RAD51B: variants seen among roughly 807,000 people sequenced by gnomAD.
RAD51B encodes the protein RAD51 paralog B, also known as DNA repair protein RAD51 homolog 2.
Under a neutral mutation model 42.2 loss-of-function variants are expected in RAD51B, and 38 were observed. That is an observed-to-expected ratio of 0.90 (90% CI 0.70 to 1.18). The LOEUF is 1.18. Among genes scored for constraint, RAD51B ranks in the 50% most tolerant of loss-of-function variants. The probability of loss-of-function intolerance (pLI) is 0.00; values close to 1 mark genes in which losing one functional copy is unlikely to be tolerated. For synonymous variants in RAD51B, 154 were observed against 145.2 expected, an observed-to-expected ratio of 1.06 and a Z score of -0.43; for missense variants, 373 against 400.7, an observed-to-expected ratio of 0.93 and a Z score of 0.59.
At chr14:68,154,483 A>G (rs931853764) in intron 7 of RAD51B, among the ~76,000 whole-genome samples, 1 of 152,096 alleles carries the variant, frequency 6.6e-6, no homozygotes, top group East Asian at 1.9e-4. Context: ...CAGTTTCCTT[A>G]CATGCATGCA....
chr14:68,611,547 C>T, exon 11 of RAD51B: 1 of 445,656 alleles, frequency 2.2e-6, no homozygotes. Context: ...GCTTATTAAG[C>T]CTTGCAGCTC....
intron 8 of RAD51B, among the ~76,000 whole-genome samples, chr14:68,317,542 A>G (rs2082085516): frequency 6.9e-6 from 1 of 145,354 alleles, no homozygotes; most frequent in African/African-American, 2.9e-5. Flanking sequence ...TAAGCTCACT[A>G]GTCCTGCTGA....
At chr14:68,246,796 C>T (rs1393830807) in intron 7 of RAD51B, among the ~76,000 whole-genome samples, 2 of 152,078 alleles carry the variant, frequency 1.3e-5, no homozygotes, top group Admixed American at 6.5e-5. Flanking sequence ...AGGGTGTTTT[C>T]AGAGCTAAGT....
chr14:68,478,079 G>A lies in RAD51B; in HGVS notation c.*415G>A. 4 of 1,056,464 alleles carry A rather than the reference G, an allele frequency of 3.8e-6. No homozygotes were observed. The highest frequency in any genetic ancestry group is 4.6e-6 in the Non-Finnish European group (4 of 874,074). The allele number at this position is 1,056,464 out of a possible 1,614,324, so 65.4% of individuals were successfully genotyped here. A position where few individuals can be genotyped will look rare whatever the true frequency, so the allele number is the denominator to read the frequency against. On this transcript the variant is annotated 3_prime_UTR_variant, in exon 11 of 11. Coordinates refer to ENST00000471583, the MANE Select transcript of RAD51B (RefSeq NM_133510.4). The stretch of plus-strand genomic sequence containing the variant: ...ACAGGAGGGAACATTTCCGAATAAA[G>A]TATTGTCTACCAGATAAAAAGAGTA...
intron 10 of RAD51B, among the ~76,000 whole-genome samples, chr14:68,602,791 G>A (rs1189388418): frequency 1.3e-5 from 2 of 152,114 alleles, no homozygotes; most frequent in African/African-American, 2.4e-5. Flanking sequence ...AATATTTGAC[G>A]AGATATCCGG....
chr14:67,906,213 T>C (rs1330210856), intron 7 of RAD51B, among the ~76,000 whole-genome samples: 1 of 152,180 alleles, frequency 6.6e-6, no homozygotes, highest in Non-Finnish European at 1.5e-5. Flanking sequence ...GATTTGCATG[T>C]TGAGCCAACC....
At chr14:68,594,361 T>C in intron 10 of RAD51B, 2 of 903,468 alleles carry the variant, frequency 2.2e-6, no homozygotes, top group Non-Finnish European at 3.1e-6. Context: ...TGTACATTCC[T>C]ATGCCATACC....
intron 5 of RAD51B, among the ~76,000 whole-genome samples, chr14:67,882,618 TC>T (rs1189408121): frequency 1.3e-5 from 2 of 152,170 alleles, no homozygotes; most frequent in Non-Finnish European, 2.9e-5. Flanking sequence ...CATTTTTGTT[TC>T]CCCCATGAAG....
intron 10 of RAD51B, among the ~76,000 whole-genome samples, chr14:68,585,152 T>C (rs1566945651): frequency 6.6e-6 from 1 of 152,170 alleles, no homozygotes; most frequent in East Asian, 1.9e-4. Flanking sequence ...CATTCCCACC[T>C]CTGTGTACTC....
intron 4 of RAD51B, among the ~76,000 whole-genome samples, chr14:67,859,162 C>T (rs7151495): frequency 0.32 from 48,988 of 152,098 alleles, 8,462 homozygotes; most frequent in Middle Eastern, 0.46. Context: ...GGAAAGCATG[C>T]AGGGGTTGAC....
At chr14:68,341,282 G>A (rs1306466698) in intron 8 of RAD51B, among the ~76,000 whole-genome samples, 2 of 152,180 alleles carry the variant, frequency 1.3e-5, no homozygotes, top group African/African-American at 2.4e-5. Flanking sequence ...ATCTGATACT[G>A]TATCAGAGTA....
At chr14:68,245,586 CAG>C (rs1338973656) in intron 7 of RAD51B, among the ~76,000 whole-genome samples, 1 of 152,210 alleles carries the variant, frequency 6.6e-6, no homozygotes, top group Non-Finnish European at 1.5e-5. Flanking sequence ...TCTAAAAGGA[CAG>C]AGACTCAGAG....
intron 11 of RAD51B, among the ~76,000 whole-genome samples, chr14:68,654,730 C>T (rs1005792470): frequency 4.6e-5 from 7 of 152,190 alleles, no homozygotes; most frequent in Admixed American, 1.3e-4. Flanking sequence ...TGGCTGCCAG[C>T]TCCATGACCA....
intron 4 of RAD51B, among the ~76,000 whole-genome samples, chr14:67,850,400 G>A (rs78400024): frequency 6.6e-4 from 101 of 152,190 alleles, no homozygotes; most frequent in Non-Finnish European, 1.4e-3. Flanking sequence ...ACTCACTAAA[G>A]GGTGTGACTT....
intron 7 of RAD51B, among the ~76,000 whole-genome samples, chr14:67,975,813 C>T (rs1023068599): frequency 1.3e-5 from 2 of 152,208 alleles, no homozygotes; most frequent in Non-Finnish European, 2.9e-5. Flanking sequence ...ATAGTTCACA[C>T]TGTGTAGAGA....
At chr14:68,198,163 A>T (rs1181965982) in intron 7 of RAD51B, among the ~76,000 whole-genome samples, 1 of 151,680 alleles carries the variant, frequency 6.6e-6, no homozygotes, top group African/African-American at 2.4e-5. Flanking sequence ...TTTCCCATAT[A>T]TTTTTCCAGC....
At chr14:68,676,919 G>T (rs907253536) in intron 11 of RAD51B, among the ~76,000 whole-genome samples, 7 of 152,324 alleles carry the variant, frequency 4.6e-5, no homozygotes, top group African/African-American at 1.7e-4. Context: ...TTCTTGCAGC[G>T]CCACACTAGG....
intron 10 of RAD51B, among the ~76,000 whole-genome samples, chr14:68,578,512 C>T (rs750584167): frequency 4.6e-5 from 7 of 152,338 alleles, no homozygotes; most frequent in Non-Finnish European, 7.4e-5. Context: ...GCCGGCCCAC[C>T]TCACACATGA....
chr14:68,671,406 CT>C (rs1595056810), intron 11 of RAD51B, among the ~76,000 whole-genome samples: 2 of 152,190 alleles, frequency 1.3e-5, no homozygotes, highest in East Asian at 1.9e-4. Flanking sequence ...ATGCCCTCCC[CT>C]ATGTGGATTC....
Sources: allele counts gnomAD v4.1 joint callset (sites outside exome capture counted in the v4.1 genomes callset), GRCh38; gene constraint gnomAD v4.1.1; transcripts MANE v1.5; gene names NCBI Gene and HGNC (gene_info 2026-07-23, HGNC 2026-07-21).